ALK: variants seen among roughly 807,000 people sequenced by gnomAD.
The protein encoded by ALK is ALK receptor tyrosine kinase.
A neutral mutation model predicts 163.1 loss-of-function variants in ALK; 74 were observed. The observed-to-expected ratio is 0.45, with a 90% CI of 0.38 to 0.55. The LOEUF is 0.55. ALK is among the 20% of genes least tolerant of loss of function. The pLI, the probability that ALK is intolerant of heterozygous loss-of-function variation, is 0.00. For missense variants in ALK, 2,063 were observed against 2,105.3 expected, an observed-to-expected ratio of 0.98 and a Z score of 0.39; for synonymous variants, 960 against 843.2, an observed-to-expected ratio of 1.14 and a Z score of -2.40.
At chr2:29,283,557 C>G (rs1011472386) in intron 9 of ALK, among the ~76,000 whole-genome samples, 2 of 152,022 alleles carry the variant, frequency 1.3e-5, no homozygotes, top group African/African-American at 2.4e-5. Context: ...CTCGCCTGAC[C>G]AAAAGCATCT....
chr2:29,571,354 C>A (rs932674741), intron 3 of ALK, among the ~76,000 whole-genome samples: 2 of 152,168 alleles, frequency 1.3e-5, no homozygotes, highest in African/African-American at 4.8e-5. Context: ...GCAATCCCCA[C>A]GTGTCAAGGG....
chr2:29,526,888 A>G (rs1324001077), intron 4 of ALK, among the ~76,000 whole-genome samples: 1 of 152,190 alleles, frequency 6.6e-6, no homozygotes, highest in Non-Finnish European at 1.5e-5. Flanking sequence ...CCCTGAGACC[A>G]TCTCTCGCTT....
intron 4 of ALK, among the ~76,000 whole-genome samples, chr2:29,515,826 G>T (rs1014608165): frequency 3.3e-5 from 5 of 152,192 alleles, no homozygotes; most frequent in African/African-American, 1.2e-4. Context: ...TTCCTGTTTA[G>T]AAACAATTAA....
intron 1 of ALK, among the ~76,000 whole-genome samples, chr2:29,735,916 G>A (rs1232676168): frequency 6.6e-6 from 1 of 152,048 alleles, no homozygotes; most frequent in East Asian, 1.9e-4. Context: ...GTTCTTTACA[G>A]CAGTGTGAGA....
At chr2:29,312,411 C>T (rs1410233157) in intron 8 of ALK, among the ~76,000 whole-genome samples, 1 of 152,106 alleles carries the variant, frequency 6.6e-6, no homozygotes, top group Admixed American at 6.5e-5. Flanking sequence ...GGGCTTCCTC[C>T]AAGGGCTAAG....
chr2:29,772,887 G>A (rs1048182698), intron 1 of ALK, among the ~76,000 whole-genome samples: 1 of 152,186 alleles, frequency 6.6e-6, no homozygotes, highest in African/African-American at 2.4e-5. Flanking sequence ...GCAGAGGACT[G>A]GCTTACCATG....
At chr2:29,805,002 T>C (rs1194626778) in intron 1 of ALK, among the ~76,000 whole-genome samples, 1 of 152,144 alleles carries the variant, frequency 6.6e-6, no homozygotes, top group East Asian at 1.9e-4. Flanking sequence ...TCTTGTCTGG[T>C]TTCTGTTTGG....
chr2:29,424,359 T>A (rs924816762), intron 4 of ALK, among the ~76,000 whole-genome samples: 1 of 152,226 alleles, frequency 6.6e-6, no homozygotes, highest in South Asian at 2.1e-4. Context: ...ACTACTATAA[T>A]CTGGCACTAA....
intron 1 of ALK, among the ~76,000 whole-genome samples, chr2:29,787,255 G>A (rs1664058801): frequency 6.6e-6 from 1 of 152,184 alleles, no homozygotes. Context: ...TCTAGTGATT[G>A]TTCATCTAGA....
intron 3 of ALK, among the ~76,000 whole-genome samples, chr2:29,595,719 G>A (rs959923974): frequency 2.6e-5 from 4 of 152,106 alleles, no homozygotes; most frequent in African/African-American, 7.2e-5. Context: ...AGAGGAAGAC[G>A]GAGAGAGAAA....
rs950584743 is a variant in ALK at position 29,776,492 on chromosome 2, T to C, written c.668-58795A>G. Among the ~76,000 whole-genome samples, 10 of 152,300 alleles carry C rather than the reference T, an allele frequency of 6.6e-5. No homozygotes were observed. In the East Asian group the frequency reaches 1.9e-3, roughly 29 times the overall value. On this transcript the variant is annotated intron_variant, in intron 1 of 28. Coordinates refer to ENST00000389048, the MANE Select transcript of ALK (RefSeq NM_004304.5). ...TCCACTCTGACCTCCTGCACCACTT[T>C]GGTCAGAGGGCTAATTTGTCCCTCT... is the stretch of plus-strand genomic sequence containing the variant.
intron 4 of ALK, among the ~76,000 whole-genome samples, chr2:29,528,724 A>G (rs1049851941): frequency 6.6e-6 from 1 of 152,182 alleles, no homozygotes; most frequent in African/African-American, 2.4e-5. Flanking sequence ...GCCATTTTCC[A>G]TATGCCATTT....
At chr2:29,785,148 G>A (rs1171986642) in intron 1 of ALK, among the ~76,000 whole-genome samples, 1 of 152,136 alleles carries the variant, frequency 6.6e-6, no homozygotes, top group African/African-American at 2.4e-5. Context: ...ACAGGACTCT[G>A]CCCTCTCTCC....
At chr2:29,533,375 C>T (rs1378571446) in intron 3 of ALK, among the ~76,000 whole-genome samples, 2 of 152,156 alleles carry the variant, frequency 1.3e-5, no homozygotes, top group African/African-American at 4.8e-5. Context: ...TAATTCAGTC[C>T]TCTTGCTTTC....
chr2:29,464,591 G>C (rs1671160814), intron 4 of ALK, among the ~76,000 whole-genome samples: 1 of 145,194 alleles, frequency 6.9e-6, no homozygotes, highest in African/African-American at 2.5e-5. Context: ...AAATTTTTGA[G>C]ATAAAAAATA....
chr2:29,353,541 T>C (rs1344169191), intron 5 of ALK, among the ~76,000 whole-genome samples: 1 of 152,122 alleles, frequency 6.6e-6, no homozygotes, highest in Non-Finnish European at 1.5e-5. Context: ...AACCTCCATC[T>C]CTAGAGAGCA....
chr2:29,890,596 T>C (rs1332713843), intron 1 of ALK: 1 of 152,242 alleles, frequency 6.6e-6, no homozygotes, highest in African/African-American at 2.4e-5. Context: ...ATTTGAATGA[T>C]GTTAAACAGT....
chr2:29,366,225 C>T (rs193109178), intron 5 of ALK, among the ~76,000 whole-genome samples: 2 of 152,172 alleles, frequency 1.3e-5, no homozygotes, highest in East Asian at 3.9e-4. Flanking sequence ...TGGAACAGAC[C>T]CTGTGGGCTG....
intron 1 of ALK, among the ~76,000 whole-genome samples, chr2:29,814,380 G>A (rs891976961): frequency 6.6e-6 from 1 of 151,256 alleles, no homozygotes; most frequent in Non-Finnish European, 1.5e-5. Flanking sequence ...CATGACCAAG[G>A]CCGGGCACGG....
Sources: gnomAD v4.1 joint callset for allele counts (sites outside exome capture counted in the v4.1 genomes callset) on GRCh38, gnomAD v4.1.1 for gene constraint, MANE v1.5 for transcripts, NCBI Gene and HGNC (gene_info 2026-07-23, HGNC 2026-07-21) for gene names.